Variants in APCDD1 observed in about 807,000 individuals in gnomAD.
APCDD1 encodes the protein APC down-regulated 1, also known as protein APCDD1.
APCDD1 carries 15 observed loss-of-function variants against 38.1 expected under a neutral mutation model. That is an observed-to-expected ratio of 0.39 (90% confidence interval 0.26 to 0.61). The LOEUF is 0.61. APCDD1 is among the 20% of genes least tolerant of loss of function. APCDD1 has a pLI of 0.49. For missense variants in APCDD1, 647 were observed against 696.2 expected (o/e 0.93, Z 0.79); for synonymous variants, 261 against 279.7 (o/e 0.93, Z 0.67).
chr18:10,458,886 A>G (rs911696078), intron 1 of APCDD1, among the ~76,000 whole-genome samples: 1 of 152,146 alleles, frequency 6.6e-6, no homozygotes, highest in Non-Finnish European at 1.5e-5. Context: ...AAAATCCGCT[A>G]CCATCCTGGA....
Position 10,475,147 on chromosome 18 carries a change from G to A in APCDD1, c.774+3086G>A, listed in dbSNP as rs1487709062. Among the ~76,000 whole-genome samples, 1 of 152,330 alleles carries A rather than the reference G, an allele frequency of 6.6e-6. No homozygotes were observed. The highest frequency in any genetic ancestry group is 1.5e-5 in the Non-Finnish European group (1 of 68,038). On this transcript the variant is annotated intron_variant, in intron 3 of 4. Coordinates refer to ENST00000355285, the MANE Select transcript of APCDD1 (RefSeq NM_153000.5). The surrounding 1 kb of genome is among the most constrained non-coding windows in gnomAD (Gnocchi z 4.0). The stretch of plus-strand genomic sequence containing the variant: ...CATCTCTCTTAACCTAGAGTAAGTC[G>A]CCCTTCTGGGCCAATGGCTCAGAGA...
Position 10,485,481 on chromosome 18 carries a change from T to A in APCDD1, c.794T>A (p.Ile265Asn). The change falls in exon 4 of 5, where the codon ATC becomes AAC. Residue 265 changes from isoleucine (I) to asparagine (N), a missense_variant. Coordinates refer to ENST00000355285, the MANE Select transcript of APCDD1 (RefSeq NM_153000.5). This position sits in a 1 kb window ranked among gnomAD's most constrained non-coding sequence, Gnocchi z 5.8. ...CTTCAGAACCACGACCATGCCTGCA[T>A]CGCCTGTCGGATCATCTATCGGTCA... Reference protein sequence around the residue: ...QNAKNHDHACIACRIIYRSDE... With the variant: ...QNAKNHDHACNACRIIYRSDE... 6.2e-7 allele frequency: 1 copy of A among 1,614,118 alleles called. No individual in the cohort carries two copies. Among genetic ancestry groups the A allele is most frequent in the Non-Finnish European group, 8.5e-7 (1 of 1,180,032 alleles).
chr18:10,473,619 G>C (rs1409384620), intron 3 of APCDD1, among the ~76,000 whole-genome samples: 2 of 152,202 alleles, frequency 1.3e-5, no homozygotes, highest in Non-Finnish European at 2.9e-5. Flanking sequence ...TCAACATGTT[G>C]ATTCCCCTGG....
intron 1 of APCDD1, among the ~76,000 whole-genome samples, chr18:10,457,519 G>A (rs11080421): frequency 0.29 from 43,888 of 152,034 alleles, 7,261 homozygotes; most frequent in African/African-American, 0.46. Context: ...TGATAAATAG[G>A]CATTTTATTT....
intron 3 of APCDD1, among the ~76,000 whole-genome samples, chr18:10,483,263 T>C (rs994041925): frequency 6.6e-6 from 1 of 152,202 alleles, no homozygotes; most frequent in African/African-American, 2.4e-5. Context: ...CTCCTGTAAC[T>C]TGCAGAGGGC....
intron 3 of APCDD1, among the ~76,000 whole-genome samples, chr18:10,483,000 C>T (rs1363015212): frequency 6.6e-6 from 1 of 152,206 alleles, no homozygotes; most frequent in Non-Finnish European, 1.5e-5. Flanking sequence ...ATGTTCACAC[C>T]AAGTGGGTGC....
At chr18:10,464,999 G>T (rs1028985335) in intron 1 of APCDD1, among the ~76,000 whole-genome samples, 1 of 152,170 alleles carries the variant, frequency 6.6e-6, no homozygotes, top group African/African-American at 2.4e-5. Flanking sequence ...TGGAATGAAA[G>T]GCAGGGTGCT....
At position 10,488,448 on chromosome 18, in the gene APCDD1, C is replaced by T. The variant is rs898649109; in HGVS notation, c.*410C>T. On this transcript the variant is annotated 3_prime_UTR_variant, in exon 5 of 5. Transcript: ENST00000355285. ...TTTTCCTGTGGTTGCAGCCTGTCTT[C>T]CTTTGAAATTGTTTTACTCTCTGAG... The T allele has an allele frequency of 3.2e-5, 6 of 189,990 alleles. No individual in the cohort carries two copies. Among genetic ancestry groups the T allele is most frequent in the Non-Finnish European group, 4.4e-5 (4 of 91,658 alleles). 11.8% of individuals were successfully genotyped at this position (189,990 alleles called of 1,614,324 possible).
chr18:10,476,233 C>T lies in APCDD1; in HGVS notation c.774+4172C>T, dbSNP rs948120209. 6.6e-6 allele frequency: 1 copy of T among 151,630 alleles called. No individual in the cohort carries two copies. Among genetic ancestry groups the T allele is most frequent in the Admixed American group, 6.6e-5 (1 of 15,262 alleles). 9.4% of individuals were successfully genotyped at this position (151,630 alleles called of 1,614,324 possible). Reference sequence around the variant, plus strand: ...TTGAGTTTCAAACCACGAGCCTCAGCCCCTCTAGAAACAGGACACCGTGTA... The same window carrying T: ...TTGAGTTTCAAACCACGAGCCTCAGTCCCTCTAGAAACAGGACACCGTGTA... On this transcript the variant is annotated intron_variant, in intron 3 of 4. Transcript: ENST00000355285. The surrounding 1 kb of genome is among the most constrained non-coding windows in gnomAD (Gnocchi z 5.8).
intron 1 of APCDD1, among the ~76,000 whole-genome samples, chr18:10,457,226 A>G (rs2030405614): frequency 6.6e-6 from 1 of 152,240 alleles, no homozygotes; most frequent in Admixed American, 6.5e-5. Context: ...GTTTGCCATA[A>G]TTAGCAAGGA....
rs755032842 is a variant in APCDD1, at chr18:10,467,935, T to G, written c.59-534T>G. 6.6e-6 allele frequency among the ~76,000 whole-genome samples: 1 copy of G among 152,218 alleles called. No individual in the cohort carries two copies. The highest frequency in any genetic ancestry group is 2.4e-5 in the African/African-American group (1 of 41,454). ...CTTCCTAGTCTCCTGGGCCTTCTCC[T>G]TCCATCACTGCCCAGGCTGCAGTTT... On this transcript the variant is annotated intron_variant, in intron 1 of 4. Transcript: ENST00000355285. The surrounding 1 kb of genome is among the most constrained non-coding windows in gnomAD (Gnocchi z 4.8).
At chr18:10,477,996 G>A (rs2031046411) in intron 3 of APCDD1, 1 of 152,030 alleles carries the variant, frequency 6.6e-6, no homozygotes, top group South Asian at 2.1e-4. Context: ...ACAAAAAAAG[G>A]CCTTTGTGAG....
intron 1 of APCDD1, among the ~76,000 whole-genome samples, chr18:10,463,303 T>TC (rs1369207783): frequency 6.6e-6 from 1 of 152,082 alleles, no homozygotes; most frequent in Non-Finnish European, 1.5e-5. Flanking sequence ...CAACCGAGAC[T>TC]CCCTGGGGCA....
chr18:10,468,079 A>G (rs957422481), intron 1 of APCDD1, among the ~76,000 whole-genome samples: 6 of 152,138 alleles, frequency 3.9e-5, no homozygotes, highest in Admixed American at 3.9e-4. Context: ...TGGTGACTCC[A>G]GAACATGTTC....
chr18:10,455,694 A>C (rs2030363861), intron 1 of APCDD1, among the ~76,000 whole-genome samples: 1 of 152,166 alleles, frequency 6.6e-6, no homozygotes, highest in Non-Finnish European at 1.5e-5. Flanking sequence ...GTGCACCCCA[A>C]CTTGACGTCC....
intron 3 of APCDD1, among the ~76,000 whole-genome samples, chr18:10,474,882 G>A (rs1013596164): frequency 2.0e-5 from 3 of 152,164 alleles, no homozygotes; most frequent in African/African-American, 7.2e-5. Flanking sequence ...GACAGCAATT[G>A]TAAAGCTGAC....
At position 10,485,253 on chromosome 18, in the gene APCDD1, A is replaced by G. The variant is rs518978; in HGVS notation, c.775-209A>G. On this transcript the variant is annotated intron_variant, in intron 3 of 4. Coordinates refer to ENST00000355285, the MANE Select transcript of APCDD1 (RefSeq NM_153000.5). This position sits in a 1 kb window ranked among gnomAD's most constrained non-coding sequence, Gnocchi z 5.8. ...TCCACATCACACCTGAAATGTTTGC[A>G]TAGGTCTGTACTGTCAGGCAAACGT... Among the ~76,000 whole-genome samples, 87,422 of 151,994 alleles carry G rather than the reference A, an allele frequency of 0.58. 27,942 individuals are homozygous for G. The highest frequency in any genetic ancestry group is 0.87 in the African/African-American group (36,038 of 41,462).
chr18:10,469,457 C>T lies in APCDD1; in HGVS notation c.242+805C>T, dbSNP rs2030799556. 6.6e-6 allele frequency among the ~76,000 whole-genome samples: 1 copy of T among 152,186 alleles called. No homozygotes were observed. Among genetic ancestry groups the T allele is most frequent in the African/African-American group, 2.4e-5 (1 of 41,454 alleles). Reference sequence around the variant, plus strand: ...ACGATAAACAATTTGTATAAACAACCTTCATGTTACATACTTTTAAAATAT... The same window carrying T: ...ACGATAAACAATTTGTATAAACAACTTTCATGTTACATACTTTTAAAATAT... On this transcript the variant is annotated intron_variant, in intron 2 of 4. Coordinates refer to ENST00000355285, the MANE Select transcript of APCDD1 (RefSeq NM_153000.5). The surrounding 1 kb of genome is among the most constrained non-coding windows in gnomAD (Gnocchi z 5.5).
intron 2 of APCDD1, among the ~76,000 whole-genome samples, chr18:10,468,928 A>T (rs997221875): frequency 6.6e-6 from 1 of 152,240 alleles, no homozygotes; most frequent in Non-Finnish European, 1.5e-5. Context: ...ACTCTATGGG[A>T]CCACTTGTGT....
Sources: gnomAD v4.1 joint callset for allele counts (sites outside exome capture counted in the v4.1 genomes callset) on GRCh38, gnomAD v4.1.1 for gene constraint, Gnocchi (gnomAD v3.1) non-coding constraint, MANE v1.5 for transcripts, NCBI Gene and HGNC (gene_info 2026-07-23, HGNC 2026-07-21) for gene names.